The following PTPRF variants were observed in gnomAD, a reference collection of about 807,000 sequenced individuals.
The protein encoded by PTPRF is protein tyrosine phosphatase receptor type F.
In PTPRF, 59 loss-of-function variants were observed where a neutral mutation model predicts 201.8. The observed-to-expected ratio is 0.29, with a 90% CI of 0.24 to 0.36. The LOEUF (loss-of-function observed/expected upper bound fraction) is 0.36, where lower values mean the gene tolerates loss of function less well. Ranked by LOEUF, PTPRF falls within the 10% of genes least tolerant of loss-of-function variation. The pLI, the probability that PTPRF is intolerant of heterozygous loss-of-function variation, is 1.00. For synonymous variants in PTPRF, 1,088 were observed against 1,089.7 expected (o/e 1.00, Z 0.03); for missense variants, 2,132 against 2,690.5 (o/e 0.79, Z 4.59).
chr1:43,591,113 A>T lies in PTPRF; in HGVS notation c.1091A>T (p.Gln364Leu), dbSNP rs761391796. ...GCAGCGGGCACGGAGGGCCCCTTTCAGGAGGTGGATGGTGTGGCCACCACC... is the reference window on the plus strand; with the variant it reads ...GCAGCGGGCACGGAGGGCCCCTTTCTGGAGGTGGATGGTGTGGCCACCACC... Reference protein sequence around the residue: ...YRAAGTEGPFQEVDGVATTRY... With the variant: ...YRAAGTEGPFLEVDGVATTRY... The change falls in exon 9 of 34, where the codon CAG (glutamine) becomes CTG (leucine). Residue 364 changes from glutamine to leucine, a missense_variant. By Grantham distance (113) the Gln-to-Leu change is moderately radical (BLOSUM62 -2). Coordinates refer to ENST00000359947, the MANE Select transcript of PTPRF (RefSeq NM_002840.5). 1 of 1,613,836 alleles carries T rather than the reference A, an allele frequency of 6.2e-7. No individual in the cohort carries two copies. The highest frequency in any genetic ancestry group is 8.5e-7 in the Non-Finnish European group (1 of 1,180,044).
At position 43,620,203 on chromosome 1, in the gene PTPRF, G is replaced by A. The variant is rs762115756; in HGVS notation, c.5220G>A (p.Lys1740=). The change falls in exon 30 of 34, where the codon AAG becomes AAA. Residue 1740 remains lysine (K), a synonymous_variant. Coordinates refer to ENST00000359947, the MANE Select transcript of PTPRF (RefSeq NM_002840.5). ...CCACCATCATCGTCATGCTGACCAA[G>A]CTTCGGGAGATGGGCAGGGTGAGCC... The part of the protein sequence containing the change: ...HNSTIIVMLT[K]LREMGREKCH... 20 of 1,613,942 alleles carry A rather than the reference G, an allele frequency of 1.2e-5. 1 individual carries two copies. The Admixed American group carries it at 3.3e-4, about 27-fold the overall frequency.
In PTPRF at chr1:43,537,318, A is replaced by C. The variant is rs935642854; in HGVS notation, c.-125-880A>C. On this transcript the variant is annotated intron_variant, in intron 1 of 33. Transcript: ENST00000359947. This position sits in a 1 kb window ranked among gnomAD's most constrained non-coding sequence, Gnocchi z 4.8. ...GCATCCAGGGGCACGCCTTCATTTT[A>C]AAAATTATAGAGTAGAGAAAGTCAA... 2.0e-5 allele frequency among the ~76,000 whole-genome samples: 3 copies of C among 152,218 alleles called. No homozygotes were observed. The highest frequency in any genetic ancestry group is 7.2e-5 in the African/African-American group (3 of 41,462).
intron 2 of PTPRF, among the ~76,000 whole-genome samples, chr1:43,543,497 T>C (rs1644477449): frequency 6.6e-6 from 1 of 152,210 alleles, no homozygotes; most frequent in African/African-American, 2.4e-5. Flanking sequence ...CTGTCTCAGA[T>C]TTTTGGTGGG....
intron 7 of PTPRF, among the ~76,000 whole-genome samples, chr1:43,586,895 G>A (rs926196816): frequency 2.0e-5 from 3 of 152,152 alleles, no homozygotes; most frequent in African/African-American, 7.2e-5. Flanking sequence ...GTCAGATCTG[G>A]GTCACACACC....
intron 21 of PTPRF, among the ~76,000 whole-genome samples, chr1:43,607,865 A>C (rs1287156294): frequency 6.6e-6 from 1 of 152,204 alleles, no homozygotes; most frequent in East Asian, 1.9e-4. Flanking sequence ...TTCCTTGCAC[A>C]GCTGTCCCCT....
At chr1:43,564,177 G>A (rs1359827332) in intron 5 of PTPRF, among the ~76,000 whole-genome samples, 1 of 152,194 alleles carries the variant, frequency 6.6e-6, no homozygotes, top group Non-Finnish European at 1.5e-5. Context: ...GGCTCCCCAG[G>A]CCCCCCTTAC....
intron 5 of PTPRF, among the ~76,000 whole-genome samples, chr1:43,556,749 T>G (rs1645403147): frequency 6.6e-6 from 1 of 152,238 alleles, no homozygotes; most frequent in African/African-American, 2.4e-5. Context: ...TTTGGAAGAT[T>G]GAATGCTGTG....
upstream of PTPRF, among the ~76,000 whole-genome samples, chr1:43,526,701 AG>A (rs750219138): frequency 6.6e-6 from 1 of 152,178 alleles, no homozygotes; most frequent in Non-Finnish European, 1.5e-5. Flanking sequence ...CCAAGGACTA[AG>A]GGCTGCAACT....
intron 1 of PTPRF, among the ~76,000 whole-genome samples, chr1:43,531,407 C>G (rs558762625): frequency 2.1e-5 from 3 of 143,674 alleles, no homozygotes; most frequent in Non-Finnish European, 3.1e-5. Context: ...CCGCCCCCCC[C>G]ACCCAGCGCA....
chr1:43,620,800 C>T (rs2154040430), intron 31 of PTPRF, 38 bp from the exon 32 acceptor site: 2 of 1,589,646 alleles, frequency 1.3e-6, no homozygotes, highest in Non-Finnish European at 1.7e-6. Context: ...CTGCCTAAGG[C>T]ACGAATTCTA....
At position 43,621,120 on chromosome 1, in the gene PTPRF, T is replaced by C. The variant is rs202216723; in HGVS notation, c.5543T>C (p.Val1848Ala). ...HCSAGVGRTG[V>A]FITLSIVLER... is the part of the protein sequence containing the mutation. ...AGTGCTGGCGTGGGCCGCACCGGGGTGTTCATCACTCTGAGCATCGTCCTG... is the reference window on the plus strand; with the variant it reads ...AGTGCTGGCGTGGGCCGCACCGGGGCGTTCATCACTCTGAGCATCGTCCTG... Residue 1848 changes from valine to alanine, a missense_variant, in exon 33 of 34, where the codon GTG (valine) becomes GCG (alanine). Val to Ala is a moderately conservative substitution (Grantham distance 64). Around this residue, in one of 6 missense-constraint regions of PTPRF, gnomAD observed 519 missense variants for 659.5 expected, o/e 0.79. Coordinates refer to ENST00000359947, the MANE Select transcript of PTPRF (RefSeq NM_002840.5). 4 of 1,614,112 alleles carry C rather than the reference T, an allele frequency of 2.5e-6. No individual in the cohort carries two copies. Among genetic ancestry groups the C allele is most frequent in the Non-Finnish European group, 3.4e-6 (4 of 1,179,990 alleles).
chr1:43,589,922 C>T (rs1243392544), intron 8 of PTPRF, among the ~76,000 whole-genome samples: 1 of 152,046 alleles, frequency 6.6e-6, no homozygotes, highest in Non-Finnish European at 1.5e-5. Flanking sequence ...TCTCAACAGC[C>T]TCTGATCCAT....
chr1:43,603,887 A>C lies in PTPRF; in HGVS notation c.2735A>C (p.Glu912Ala), dbSNP rs770780891. 1.9e-6 allele frequency: 3 copies of C among 1,614,088 alleles called. No homozygotes were observed. The highest frequency in any genetic ancestry group is 2.5e-6 in the Non-Finnish European group (3 of 1,180,034). Reference sequence around the variant, plus strand: ...TTCGAGAAGGAGATCAGGACCCCCGAGGACCTGCCCAGCGGCTTCCCCCAA... The same window carrying C: ...TTCGAGAAGGAGATCAGGACCCCCGCGGACCTGCCCAGCGGCTTCCCCCAA... Reference protein sequence around the residue: ...EEFEKEIRTPEDLPSGFPQNL... With the variant: ...EEFEKEIRTPADLPSGFPQNL... Residue 912 changes from glutamate (E) to alanine (A), a missense_variant, in exon 16 of 34, where the codon GAG becomes GCG. Coordinates refer to ENST00000359947, the MANE Select transcript of PTPRF (RefSeq NM_002840.5). This position sits in a 1 kb window ranked among gnomAD's most constrained non-coding sequence, Gnocchi z 5.8.
intron 5 of PTPRF, among the ~76,000 whole-genome samples, chr1:43,563,407 GGCCTCGTACACATTT>G (rs1645945327): frequency 6.6e-6 from 1 of 152,102 alleles, no homozygotes; most frequent in Non-Finnish European, 1.5e-5. Context: ...GTGTCAAAGA[GGCCTCGTACACATTT>G]GCCTGGCACT....
chr1:43,601,960 C>A, intron 13 of PTPRF, 111 bp from the exon 14 acceptor site: 1 of 1,339,902 alleles, frequency 7.5e-7, no homozygotes, highest in Non-Finnish European at 1.1e-6. Flanking sequence ...CTTTGAGGCC[C>A]AAAAGCCCTC....
rs1644077918 is a variant in PTPRF, at chr1:43,537,234, A to G, written c.-125-964A>G. ...TGGTACCCACGCTGGTGGGGACTCA[A>G]TAATGGCTCTAGAAGGAAGGGGCTG... On this transcript the variant is annotated intron_variant, in intron 1 of 33. Coordinates refer to ENST00000359947, the MANE Select transcript of PTPRF (RefSeq NM_002840.5). The surrounding 1 kb of genome is among the most constrained non-coding windows in gnomAD (Gnocchi z 4.8). Among the ~76,000 whole-genome samples the G allele has an allele frequency of 1.3e-5, 2 of 152,214 alleles. No homozygotes were observed. Among genetic ancestry groups the G allele is most frequent in the South Asian group, 2.1e-4 (1 of 4,828 alleles).
In PTPRF at chr1:43,533,021, T is replaced by G. The variant is rs145403753; in HGVS notation, c.-126+1931T>G. Among the ~76,000 whole-genome samples, 73 of 152,366 alleles carry G rather than the reference T, an allele frequency of 4.8e-4. No homozygotes were observed. In the East Asian group the frequency reaches 0.012, roughly 25 times the overall value. The stretch of plus-strand genomic sequence containing the variant: ...CATGCACAGTCATCCTTGTGTATTT[T>G]TGTATATGCACTTTCTTGCACATTT... On this transcript the variant is annotated intron_variant, in intron 1 of 33. Transcript: ENST00000359947.
Position 43,578,276 on chromosome 1 carries a change from T to G in PTPRF, c.569-534T>G, listed in dbSNP as rs369857339. ...GGGGTGGAGTAGGAGGGGAAGATGG[T>G]GCTGGGAGCAGAGGCTGCTGGGCAC... On this transcript the variant is annotated intron_variant, in intron 6 of 33. Transcript: ENST00000359947. 2.5e-4 allele frequency among the ~76,000 whole-genome samples: 38 copies of G among 152,040 alleles called. No individual in the cohort carries two copies. The East Asian group carries it at 6.2e-3, about 25-fold the overall frequency.
chr1:43,543,959 G>A (rs1260943253), intron 2 of PTPRF, among the ~76,000 whole-genome samples: 1 of 152,226 alleles, frequency 6.6e-6, no homozygotes, highest in Non-Finnish European at 1.5e-5. Context: ...CCCAGGTGAG[G>A]GGTATGGGAG....
Sources: gnomAD v4.1 joint callset for allele counts (sites outside exome capture counted in the v4.1 genomes callset) on GRCh38, gnomAD v4.1.1 for gene constraint, gnomAD v4.1.1 regional missense constraint, Gnocchi (gnomAD v3.1) non-coding constraint, MANE v1.5 for transcripts, NCBI Gene and HGNC (gene_info 2026-07-23, HGNC 2026-07-21) for gene names.